Variants in IYD observed in about 807,000 individuals in gnomAD.
IYD encodes the protein iodotyrosine deiodinase 1.
A neutral mutation model predicts 28.4 loss-of-function variants in IYD; 25 were observed. That is an observed-to-expected ratio of 0.88 (90% CI 0.64 to 1.23). The LOEUF (loss-of-function observed/expected upper bound fraction) is 1.23, where lower values mean the gene tolerates loss of function less well. Ranked by LOEUF, IYD falls within the 50% of genes most tolerant of loss-of-function variation. IYD has a pLI of 0.00. For missense variants in IYD, 352 were observed against 357.9 expected (o/e 0.98, Z 0.13); for synonymous variants, 140 against 130.8 (o/e 1.07, Z -0.48).
intron 1 of IYD, among the ~76,000 whole-genome samples, chr6:150,386,420 A>T (rs1777863481): frequency 1.3e-5 from 2 of 151,548 alleles, no homozygotes; most frequent in Non-Finnish European, 2.9e-5. Context: ...GTCAGAGATC[A>T]TTATCTATTG....
intron 1 of IYD, among the ~76,000 whole-genome samples, chr6:150,375,024 T>C (rs1777395685): frequency 6.6e-6 from 1 of 152,156 alleles, no homozygotes; most frequent in Non-Finnish European, 1.5e-5. Flanking sequence ...ATTCAAGGTG[T>C]CTCTTTCTGG....
intron 1 of IYD, among the ~76,000 whole-genome samples, chr6:150,385,614 G>A (rs1396973265): frequency 6.6e-6 from 1 of 151,530 alleles, no homozygotes; most frequent in African/African-American, 2.4e-5. Context: ...ATTTTATTTA[G>A]GATTTTTGTA....
intron 1 of IYD, among the ~76,000 whole-genome samples, chr6:150,383,030 T>C (rs568252298): frequency 1.4e-4 from 21 of 152,352 alleles, no homozygotes; most frequent in African/African-American, 5.0e-4. Flanking sequence ...GTCATTCTTT[T>C]GGAAAAGTAC....
At chr6:150,394,828 C>T (rs545646234) in intron 4 of IYD, among the ~76,000 whole-genome samples, 1 of 152,280 alleles carries the variant, frequency 6.6e-6, no homozygotes, top group East Asian at 1.9e-4. Context: ...ATTTTCTGAG[C>T]TCCTTTTTGT....
chr6:150,374,903 G>A (rs1777390748), intron 1 of IYD, among the ~76,000 whole-genome samples: 1 of 152,158 alleles, frequency 6.6e-6, no homozygotes, highest in African/African-American at 2.4e-5. Context: ...TTTATGACCT[G>A]CTTCAGGAAA....
Position 150,389,382 on chromosome 6 carries a change from A to C in IYD, c.209A>C (p.Asn70Thr). The change falls in exon 2 of 5, where the codon AAT becomes ACT. Residue 70 changes from asparagine to threonine, a missense_variant. Coordinates refer to ENST00000344419, the MANE Select transcript of IYD (RefSeq NM_203395.3). The part of the protein sequence containing the change: ...DADEWQESEE[N>T]VEHIPFSHNH... ...GATGAATGGCAAGAATCAGAAGAAA[A>C]TGTTGAACACATCCCCTTCTCTCAT... The C allele has an allele frequency of 6.2e-7, 1 of 1,613,990 alleles. No individual in the cohort carries two copies. Among genetic ancestry groups the C allele is most frequent in the Non-Finnish European group, 8.5e-7 (1 of 1,179,900 alleles).
intron 1 of IYD, among the ~76,000 whole-genome samples, chr6:150,387,111 T>C (rs1470835900): frequency 6.6e-6 from 1 of 152,182 alleles, no homozygotes; most frequent in Non-Finnish European, 1.5e-5. Context: ...GCCATTTACG[T>C]AGCTTACCTG....
intron 2 of IYD, among the ~76,000 whole-genome samples, chr6:150,392,047 G>GT (rs1380339690): frequency 6.6e-6 from 1 of 151,192 alleles, no homozygotes; most frequent in East Asian, 1.9e-4. Flanking sequence ...AAAAAAAAAA[G>GT]TTTTTTTAAG....
rs1161330063 is a variant in IYD at position 150,382,843 on chromosome 6, G to T, written c.179-6509G>T. 2.0e-5 allele frequency among the ~76,000 whole-genome samples: 3 copies of T among 152,070 alleles called. No homozygotes were observed. In the East Asian group the frequency reaches 5.8e-4, roughly 29 times the overall value. ...TTTGCTGTCACTTTTTTCTGCCAAA[G>T]TCGTGTGTCTTGTATTTCTTTGGAC... On this transcript the variant is annotated intron_variant, in intron 1 of 4. Transcript: ENST00000344419.
Position 150,400,799 on chromosome 6 carries a change from A to T in IYD, c.*2562A>T, listed in dbSNP as rs1359854823. On this transcript the variant is annotated 3_prime_UTR_variant, in exon 5 of 5. Transcript: ENST00000344419. The stretch of plus-strand genomic sequence containing the variant: ...TTAACAAGATGCCCAGGTGATCTGC[A>T]TGCCTGTTAAAGTCTGAGCTCTGTT... The T allele has an allele frequency of 2.0e-5, 3 of 152,252 alleles. No individual in the cohort carries two copies. The highest frequency in any genetic ancestry group is 4.8e-5 in the African/African-American group (2 of 41,474). 9.4% of individuals were successfully genotyped at this position (152,252 alleles called of 1,614,324 possible). A position where few individuals can be genotyped will look rare whatever the true frequency, so the allele number is the denominator to read the frequency against.
chr6:150,384,244 G>C (rs1474009566), intron 1 of IYD: 2 of 152,102 alleles, frequency 1.3e-5, no homozygotes, highest in Admixed American at 6.6e-5. Context: ...TTCCCATCAG[G>C]CTGCAAAATA....
At chr6:150,372,114 G>A (rs1206767198) in intron 1 of IYD, among the ~76,000 whole-genome samples, 1 of 152,180 alleles carries the variant, frequency 6.6e-6, no homozygotes, top group East Asian at 1.9e-4. Context: ...TATTAACAAG[G>A]TATTAAATGG....
Position 150,400,746 on chromosome 6 carries a change from C to T in IYD, c.*2509C>T, listed in dbSNP as rs12208588. 31,616 of 152,120 alleles carry T rather than the reference C, an allele frequency of 0.21. 4,730 individuals are homozygous for T. Among genetic ancestry groups the T allele is most frequent in the African/African-American group, 0.4 (16,510 of 41,450 alleles). The allele number at this position is 152,120 out of a possible 1,614,324, so 9.4% of individuals were successfully genotyped here. On this transcript the variant is annotated 3_prime_UTR_variant, in exon 5 of 5. Transcript: ENST00000344419. ...AGAATCAAAGACTCTCAGGCCTCAC[C>T]TAGACATCCAGAATCAAAATCTGCA...
intron 1 of IYD, among the ~76,000 whole-genome samples, chr6:150,381,050 G>A (rs1677446062): frequency 6.6e-6 from 1 of 152,224 alleles, no homozygotes; most frequent in Non-Finnish European, 1.5e-5. Context: ...GTGAGGGGAT[G>A]TGAGCAACAG....
intron 1 of IYD, among the ~76,000 whole-genome samples, chr6:150,376,299 G>A (rs1004868637): frequency 6.6e-6 from 1 of 152,178 alleles, no homozygotes; most frequent in Non-Finnish European, 1.5e-5. Flanking sequence ...AGAAGGAAAG[G>A]CATACAGATT....
At chr6:150,369,965 C>T (rs1274834410) in intron 1 of IYD, 4 of 701,512 alleles carry the variant, frequency 5.7e-6, no homozygotes, top group East Asian at 5.4e-5. Flanking sequence ...GAATTGAGGG[C>T]GGGAAGGTTA....
At chr6:150,397,296 T>G (rs1778357362) in intron 4 of IYD, among the ~76,000 whole-genome samples, 1 of 152,030 alleles carries the variant, frequency 6.6e-6, no homozygotes, top group Admixed American at 6.6e-5. Flanking sequence ...TGGCCAGGTA[T>G]GGTGGCTCAC....
In IYD at chr6:150,394,187, A is replaced by G; in HGVS notation, c.619A>G (p.Lys207Glu). The G allele has an allele frequency of 2.5e-6, 4 of 1,614,016 alleles. No homozygotes were observed. The highest frequency in any genetic ancestry group is 2.5e-6 in the Non-Finnish European group (3 of 1,179,858). The change falls in exon 4 of 5, where the codon AAA becomes GAA. Residue 207 changes from lysine (K) to glutamate (E), a missense_variant. Lys to Glu is a moderately conservative substitution (Grantham distance 56). Transcript: ENST00000344419. Reference sequence around the variant, plus strand: ...ACATGGTTTCGCCGCAAATGGCAAGAAAAAAGTCCACTACTACAATGAGAT... The same window carrying G: ...ACATGGTTTCGCCGCAAATGGCAAGGAAAAAGTCCACTACTACAATGAGAT... ...QVHGFAANGK[K>E]KVHYYNEISV...
At chr6:150,394,541 A>G (rs975681855) in intron 4 of IYD, among the ~76,000 whole-genome samples, 1 of 152,220 alleles carries the variant, frequency 6.6e-6, no homozygotes, top group Non-Finnish European at 1.5e-5. Flanking sequence ...CACATGAAGT[A>G]CTTTGGAGCC....
Sources: gnomAD v4.1 joint callset for allele counts (sites outside exome capture counted in the v4.1 genomes callset) on GRCh38, gnomAD v4.1.1 for gene constraint, MANE v1.5 for transcripts, NCBI Gene and HGNC (gene_info 2026-07-23, HGNC 2026-07-21) for gene names.